PPP1R16A: variants seen among roughly 807,000 people sequenced by gnomAD.
PPP1R16A encodes protein phosphatase 1 regulatory subunit 16A.
A neutral mutation model predicts 46.6 loss-of-function variants in PPP1R16A; 39 were observed. The observed-to-expected ratio is 0.84, with a 90% confidence interval of 0.65 to 1.09. PPP1R16A has a LOEUF of 1.09. PPP1R16A is among the 50% of genes least tolerant of loss of function. The probability of loss-of-function intolerance (pLI) is 0.00; values close to 1 mark genes in which losing one functional copy is unlikely to be tolerated. For synonymous variants in PPP1R16A, 413 were observed against 321.5 expected (o/e 1.28, Z -3.04); for missense variants, 798 against 735.6 (o/e 1.08, Z -0.98).
Position 144,498,136 on chromosome 8 carries a change from T to C in PPP1R16A, c.260-634T>C, listed in dbSNP as rs372680127. On this transcript the variant is annotated intron_variant, in intron 3 of 11. Transcript: ENST00000435887. ...GCAGTGTCTGGCCTGCATCTTTCCATGTGGACAGGAGCCCTCCCGGGAGGC... is the reference window on the plus strand; with the variant it reads ...GCAGTGTCTGGCCTGCATCTTTCCACGTGGACAGGAGCCCTCCCGGGAGGC... 167 of 453,622 alleles carry C rather than the reference T, an allele frequency of 3.7e-4. 1 individual carries two copies. The highest frequency in any genetic ancestry group is 2.4e-3 in the African/African-American group (122 of 50,128). 28.1% of individuals were successfully genotyped at this position (453,622 alleles called of 1,614,324 possible).
chr8:144,498,900 G>T lies in PPP1R16A; in HGVS notation c.331-16G>T, dbSNP rs375904424. On this transcript the variant is annotated splice_polypyrimidine_tract_variant and intron_variant, in intron 4 of 11. Transcript: ENST00000435887. ...TGGCCCCCGTGCTCTGGTCGCTCAC[G>T]TGGCACGGTTTGCAGTGCTGCATTG... is the stretch of plus-strand genomic sequence containing the variant. 1.2e-5 allele frequency: 19 copies of T among 1,612,632 alleles called. No individual in the cohort carries two copies. The South Asian group carries it at 2.0e-4, about 17-fold the overall frequency.
rs148269001 is a variant in PPP1R16A, at chr8:144,499,353, G to A, written c.476+292G>A. The A allele has an allele frequency of 1.7e-3, 787 of 453,426 alleles. 3 individuals are homozygous for A. Among genetic ancestry groups the A allele is most frequent in the African/African-American group, 0.013 (665 of 51,248 alleles). 28.1% of individuals were successfully genotyped at this position (453,426 alleles called of 1,614,324 possible). A position where few individuals can be genotyped will look rare whatever the true frequency, so the allele number is the denominator to read the frequency against. ...GAGAAATGTCTTGGTCAGTGAGGAG[G>A]GCAGAACTGCTAAGGAGGGAAGCAG... On this transcript the variant is annotated intron_variant, in intron 5 of 11. Coordinates refer to ENST00000435887, the MANE Select transcript of PPP1R16A (RefSeq NM_001329443.2).
rs756690796 is a variant in PPP1R16A at position 144,501,593 on chromosome 8, A to G, written c.1277A>G (p.Lys426Arg). The change falls in exon 12 of 12, where the codon AAG becomes AGG. Residue 426 changes from lysine to arginine, a missense_variant. Transcript: ENST00000435887. ...TCCCCAGTGCGGCATCTATACTCCA[A>G]GCGACTAGACCGGAGTGTCTCCTAC... is the stretch of plus-strand genomic sequence containing the variant. ...GGSPVRHLYS[K>R]RLDRSVSYQL... 7 of 1,606,402 alleles carry G rather than the reference A, an allele frequency of 4.4e-6. No homozygotes were observed. Among genetic ancestry groups the G allele is most frequent in the Admixed American group, 1.7e-5 (1 of 59,352 alleles).
intron 1 of PPP1R16A, among the ~76,000 whole-genome samples, chr8:144,489,765 C>T (rs893093790): frequency 3.3e-5 from 5 of 152,236 alleles, no homozygotes; most frequent in African/African-American, 4.8e-5. Flanking sequence ...ACTGTCCCTC[C>T]CCAGGGCGCA....
At chr8:144,501,053 G>GGCCA (rs1826419731) in intron 10 of PPP1R16A, 76 bp from the exon 11 acceptor site, 12 of 1,537,688 alleles carry the variant, frequency 7.8e-6, no homozygotes, top group Non-Finnish European at 1.0e-5. Context: ...CCGAACTGGG[G>GGCCA]GCAGAGTCCG....
intron 1 of PPP1R16A, among the ~76,000 whole-genome samples, chr8:144,480,580 G>A (rs916477549): frequency 2.0e-5 from 3 of 151,792 alleles, no homozygotes; most frequent in East Asian, 1.9e-4. Flanking sequence ...TCCGTCTCTC[G>A]AATTCAAGTG....
chr8:144,494,790 C>T (rs1022336908), intron 2 of PPP1R16A, among the ~76,000 whole-genome samples: 1 of 152,170 alleles, frequency 6.6e-6, no homozygotes, highest in African/African-American at 2.4e-5. Context: ...CCAGCCCTGT[C>T]AGGAAGAGGG....
chr8:144,500,600 C>T lies in PPP1R16A; in HGVS notation c.819C>T (p.Ala273=), dbSNP rs758536748. ...GCTGGGAGCCGCTGCACGCCGCGGC[C>T]TACTGGGGCCAGGTGAGTGCGGGCG... ...QDGWEPLHAA[A]YWGQVPLVEL... The change falls in exon 8 of 12, where the codon GCC becomes GCT. Residue 273 remains alanine, a synonymous_variant. Coordinates refer to ENST00000435887, the MANE Select transcript of PPP1R16A (RefSeq NM_001329443.2). The T allele has an allele frequency of 2.5e-6, 4 of 1,600,596 alleles. No homozygotes were observed. The highest frequency in any genetic ancestry group is 8.5e-7 in the Non-Finnish European group (1 of 1,179,044).
At position 144,501,652 on chromosome 8, in the gene PPP1R16A, A is replaced by G. The variant is rs961726379; in HGVS notation, c.1336A>G (p.Thr446Ala). 1.2e-6 allele frequency: 2 copies of G among 1,609,408 alleles called. No homozygotes were observed. Among genetic ancestry groups the G allele is most frequent in the Non-Finnish European group, 1.7e-6 (2 of 1,178,570 alleles). Residue 446 changes from threonine (T) to alanine (A), a missense_variant, in exon 12 of 12, where the codon ACC becomes GCC. Thr to Ala is a moderately conservative substitution (Grantham distance 58). Coordinates refer to ENST00000435887, the MANE Select transcript of PPP1R16A (RefSeq NM_001329443.2). ...CCCCCTGGACAGCACCACCCCCCAC[A>G]CCCTGGTCCACGACAAGGCCCACCA... The part of the protein sequence containing the change: ...LSPLDSTTPH[T>A]LVHDKAHHTL...
At chr8:144,501,316 C>G in intron 11 of PPP1R16A, 22 bp downstream of exon 11, 3 of 1,554,116 alleles carry the variant, frequency 1.9e-6, no homozygotes, top group Non-Finnish European at 2.6e-6. Context: ...GTCCCTGCTC[C>G]GCCCAGCGCA....
intron 5 of PPP1R16A, chr8:144,499,325 A>G (rs918230556): frequency 1.5e-5 from 8 of 523,548 alleles, no homozygotes; most frequent in Non-Finnish European, 2.7e-5. Flanking sequence ...CAGAGTGTGC[A>G]CAGAGAAATG....
intron 1 of PPP1R16A, chr8:144,478,631 C>T (rs529835648): frequency 6.5e-6 from 1 of 152,892 alleles, no homozygotes; most frequent in South Asian, 2.1e-4. Flanking sequence ...CAAACTTAAG[C>T]TTTGTGTGGG....
Position 144,493,275 on chromosome 8 carries a change from A to G in PPP1R16A, c.-735+3063A>G, listed in dbSNP as rs1825894627. Among the ~76,000 whole-genome samples, 1 of 152,188 alleles carries G rather than the reference A, an allele frequency of 6.6e-6. No individual in the cohort carries two copies. Among genetic ancestry groups the G allele is most frequent in the African/African-American group, 2.4e-5 (1 of 41,470 alleles). Reference sequence around the variant, plus strand: ...AGGAGTGGAATGAACCCACCGGGTTATCTGTTTAGAACTGGAATGAACCGA... The same window carrying G: ...AGGAGTGGAATGAACCCACCGGGTTGTCTGTTTAGAACTGGAATGAACCGA... On this transcript the variant is annotated intron_variant, in intron 2 of 11. Coordinates refer to ENST00000435887, the MANE Select transcript of PPP1R16A (RefSeq NM_001329443.2). The surrounding 1 kb of genome is among the most constrained non-coding windows in gnomAD (Gnocchi z 4.3).
chr8:144,482,450 C>T (rs2130169192), intron 1 of PPP1R16A, among the ~76,000 whole-genome samples: 1 of 151,782 alleles, frequency 6.6e-6, no homozygotes, highest in Non-Finnish European at 1.5e-5. Flanking sequence ...TGCAGTGGCA[C>T]AATCTTGGCT....
chr8:144,487,835 G>A (rs943858893), intron 1 of PPP1R16A, among the ~76,000 whole-genome samples: 2 of 152,226 alleles, frequency 1.3e-5, no homozygotes, highest in Non-Finnish European at 1.5e-5. Context: ...GGCCTTTTGT[G>A]TTTCCATATA....
chr8:144,484,311 C>T (rs1302025772), intron 1 of PPP1R16A, among the ~76,000 whole-genome samples: 1 of 152,242 alleles, frequency 6.6e-6, no homozygotes, highest in Non-Finnish European at 1.5e-5. Flanking sequence ...CACCATTGTA[C>T]TTGACAGACC....
At chr8:144,485,158 A>G (rs977485747) in intron 1 of PPP1R16A, among the ~76,000 whole-genome samples, 2 of 138,054 alleles carry the variant, frequency 1.4e-5, no homozygotes, top group African/African-American at 5.5e-5. Context: ...TGAGGAGGAC[A>G]TGTGGGACAG....
intron 2 of PPP1R16A, among the ~76,000 whole-genome samples, chr8:144,491,031 C>T (rs1825793159): frequency 6.6e-6 from 1 of 152,056 alleles, no homozygotes; most frequent in South Asian, 2.1e-4. Flanking sequence ...TGCACTCCAG[C>T]GTGGGGACAG....
At chr8:144,501,368 C>T (rs1221884006) in intron 11 of PPP1R16A, 74 bp downstream of exon 11, 14 of 1,500,324 alleles carry the variant, frequency 9.3e-6, no homozygotes, top group East Asian at 4.9e-5. Flanking sequence ...TCCGCTTGGA[C>T]CCCCTCCTGC....
Sources: gnomAD v4.1 joint callset for allele counts (sites outside exome capture counted in the v4.1 genomes callset) on GRCh38, gnomAD v4.1.1 for gene constraint, Gnocchi (gnomAD v3.1) non-coding constraint, MANE v1.5 for transcripts, NCBI Gene and HGNC (gene_info 2026-07-23, HGNC 2026-07-21) for gene names.